The following CTNNA2 variants were observed in gnomAD, a reference collection of about 807,000 sequenced individuals.
CTNNA2 encodes catenin alpha 2, also known as catenin alpha-2.
A neutral mutation model predicts 101.0 loss-of-function variants in CTNNA2; 42 were observed. The ratio of observed to expected loss-of-function variants is 0.42; its 90% CI spans 0.32 to 0.54. The LOEUF (loss-of-function observed/expected upper bound fraction) is 0.54, where lower values mean the gene tolerates loss of function less well. Ranked by LOEUF, CTNNA2 falls within the 20% of genes least tolerant of loss-of-function variation. The pLI is 0.14. For missense variants in CTNNA2, 871 were observed against 1,223.1 expected (o/e 0.71, Z 4.29); for synonymous variants, 450 against 456.4 (o/e 0.99, Z 0.18).
At chr2:80,632,153 G>C (rs910183452) in intron 18 of CTNNA2, among the ~76,000 whole-genome samples, 3 of 151,980 alleles carry the variant, frequency 2.0e-5, no homozygotes, top group African/African-American at 7.3e-5. Context: ...GCGAATCCCA[G>C]CATGATTTAT....
intron 4 of CTNNA2, among the ~76,000 whole-genome samples, chr2:79,454,170 C>A (rs1433777006): frequency 6.6e-6 from 1 of 152,086 alleles, no homozygotes; most frequent in Non-Finnish European, 1.5e-5. Context: ...TTGTTTTTAA[C>A]TCCTAGGATA....
intron 3 of CTNNA2, among the ~76,000 whole-genome samples, chr2:79,754,959 G>A (rs531390093): frequency 6.6e-6 from 1 of 152,074 alleles, no homozygotes; most frequent in Non-Finnish European, 1.5e-5. Context: ...GATAACTCAT[G>A]TATCTTCCCT....
intron 2 of CTNNA2, among the ~76,000 whole-genome samples, chr2:79,711,100 A>G (rs183857806): frequency 1.6e-4 from 24 of 152,328 alleles, no homozygotes; most frequent in African/African-American, 5.5e-4. Flanking sequence ...CACTCCATGT[A>G]CTTACTTTGG....
At chr2:79,968,952 C>T (rs957896367) in intron 7 of CTNNA2, among the ~76,000 whole-genome samples, 2 of 151,992 alleles carry the variant, frequency 1.3e-5, no homozygotes, top group African/African-American at 4.8e-5. Context: ...TGAACATAAT[C>T]ACATTTTTCG....
intron 7 of CTNNA2, among the ~76,000 whole-genome samples, chr2:79,994,877 G>A (rs1430140400): frequency 6.6e-6 from 1 of 152,024 alleles, no homozygotes; most frequent in African/African-American, 2.4e-5. Flanking sequence ...CCCCCACCAT[G>A]GCCTCAGAGA....
At chr2:80,129,473 T>C (rs542514673) in intron 7 of CTNNA2, among the ~76,000 whole-genome samples, 1 of 152,276 alleles carries the variant, frequency 6.6e-6, no homozygotes, top group South Asian at 2.1e-4. Context: ...CCTCCTATCC[T>C]GCACTTCTCA....
intron 9 of CTNNA2, among the ~76,000 whole-genome samples, chr2:80,445,213 G>A (rs1024259420): frequency 7.9e-5 from 12 of 151,854 alleles, no homozygotes; most frequent in African/African-American, 2.7e-4. Context: ...ACAGAGTGCT[G>A]TCCTGTCATC....
At chr2:80,145,984 G>T (rs1703304770) in intron 7 of CTNNA2, among the ~76,000 whole-genome samples, 1 of 152,184 alleles carries the variant, frequency 6.6e-6, no homozygotes, top group Non-Finnish European at 1.5e-5. Context: ...ATAGAATGTG[G>T]CAGGAGTATA....
intron 7 of CTNNA2, among the ~76,000 whole-genome samples, chr2:80,050,269 A>T (rs1696792665): frequency 6.6e-6 from 1 of 152,204 alleles, no homozygotes; most frequent in Non-Finnish European, 1.5e-5. Context: ...TATTCATTAC[A>T]GGGTGAGGCT....
intron 7 of CTNNA2, among the ~76,000 whole-genome samples, chr2:80,286,298 TC>T (rs1156400372): frequency 2.0e-5 from 3 of 151,830 alleles, no homozygotes; most frequent in Non-Finnish European, 2.9e-5. Flanking sequence ...TTTCTTCTTT[TC>T]CCCCCGCCCC....
intron 2 of CTNNA2, among the ~76,000 whole-genome samples, chr2:79,279,688 T>C (rs1675310926): frequency 6.6e-6 from 1 of 152,128 alleles, no homozygotes; most frequent in Admixed American, 6.6e-5. Flanking sequence ...TTTTGTGGTA[T>C]ATAAGTAAAG....
intron 1 of CTNNA2, among the ~76,000 whole-genome samples, chr2:79,544,813 G>A (rs1028968165): frequency 6.6e-6 from 1 of 152,112 alleles, no homozygotes; most frequent in Non-Finnish European, 1.5e-5. Context: ...CCTTGCTTGA[G>A]CTCTGGGTGA....
At chr2:80,525,864 A>G (rs543363768) in intron 9 of CTNNA2, among the ~76,000 whole-genome samples, 16 of 152,298 alleles carry the variant, frequency 1.1e-4, no homozygotes, top group Admixed American at 6.5e-5. Flanking sequence ...ACCTGCAAAC[A>G]GACTCCAGGT....
chr2:79,811,061 T>G (rs994936396), intron 3 of CTNNA2, among the ~76,000 whole-genome samples: 3 of 151,008 alleles, frequency 2.0e-5, no homozygotes, highest in African/African-American at 7.4e-5. Context: ...GATGGCTGGG[T>G]CAAATGGTAT....
intron 3 of CTNNA2, among the ~76,000 whole-genome samples, chr2:79,835,096 T>A (rs996038278): frequency 6.6e-6 from 1 of 152,186 alleles, no homozygotes; most frequent in African/African-American, 2.4e-5. Flanking sequence ...GGCAATGCTT[T>A]ATTACCCCTT....
intron 3 of CTNNA2, among the ~76,000 whole-genome samples, chr2:79,776,302 A>G (rs964491769): frequency 6.6e-6 from 1 of 152,214 alleles, no homozygotes; most frequent in African/African-American, 2.4e-5. Flanking sequence ...AGGATACATA[A>G]TTAGAAAGGT....
chr2:79,256,421 A>G (rs943306906), intron 2 of CTNNA2, among the ~76,000 whole-genome samples: 7 of 152,222 alleles, frequency 4.6e-5, no homozygotes, highest in Admixed American at 2.6e-4. Context: ...TGCCTGACTC[A>G]TAGCAGACAG....
At chr2:80,421,249 A>G (rs1680503820) in intron 9 of CTNNA2, among the ~76,000 whole-genome samples, 1 of 152,220 alleles carries the variant, frequency 6.6e-6, no homozygotes, top group African/African-American at 2.4e-5. Context: ...TCCCATCTGT[A>G]TAATTACAAC....
chr2:80,432,756 G>T (rs1429662346), intron 9 of CTNNA2, among the ~76,000 whole-genome samples: 1 of 152,056 alleles, frequency 6.6e-6, no homozygotes, highest in East Asian at 1.9e-4. Flanking sequence ...CAAGACACAT[G>T]AGCTCTATCA....
Sources: gnomAD v4.1 joint callset for allele counts (sites outside exome capture counted in the v4.1 genomes callset) on GRCh38, gnomAD v4.1.1 for gene constraint, MANE v1.5 for transcripts, NCBI Gene and HGNC (gene_info 2026-07-23, HGNC 2026-07-21) for gene names.